Variants in ZBTB20 observed in about 807,000 individuals in gnomAD.
ZBTB20 encodes the protein zinc finger and BTB domain containing 20, also known as zinc finger and BTB domain-containing protein 20.
ZBTB20 carries 9 observed loss-of-function variants against 56.9 expected under a neutral mutation model. The ratio of observed to expected loss-of-function variants is 0.16; its 90% CI spans 0.10 to 0.28. The LOEUF (loss-of-function observed/expected upper bound fraction) is 0.28. Among genes scored for constraint, ZBTB20 ranks in the 10% least tolerant of loss-of-function variants. The probability of loss-of-function intolerance (pLI) is 1.00; values close to 1 mark genes in which losing one functional copy is unlikely to be tolerated. For synonymous variants in ZBTB20, 417 were observed against 420.7 expected (o/e 0.99, Z 0.11); for missense variants, 655 against 1,003.0 (o/e 0.65, Z 4.69).
At chr3:114,836,212 T>G (rs1024521416) in intron 4 of ZBTB20, among the ~76,000 whole-genome samples, 4 of 152,214 alleles carry the variant, frequency 2.6e-5, no homozygotes, top group African/African-American at 9.6e-5. Flanking sequence ...ATCAAAATAC[T>G]ACACTGACTT....
intron 4 of ZBTB20, among the ~76,000 whole-genome samples, chr3:114,894,766 C>A (rs372549881): frequency 1.3e-5 from 2 of 152,134 alleles, no homozygotes; most frequent in African/African-American, 4.8e-5. Context: ...GGCTAATAAA[C>A]CTTGATTTCA....
intron 5 of ZBTB20, among the ~76,000 whole-genome samples, chr3:114,703,354 G>A (rs1293748832): frequency 6.6e-6 from 1 of 152,040 alleles, no homozygotes; most frequent in Non-Finnish European, 1.5e-5. Context: ...CAGTTTTGTG[G>A]TACTGGGAAA....
chr3:114,845,205 C>T (rs1055736211), intron 4 of ZBTB20, among the ~76,000 whole-genome samples: 4 of 151,526 alleles, frequency 2.6e-5, no homozygotes, highest in African/African-American at 9.7e-5. Flanking sequence ...GTACTGAATA[C>T]ACATTAGGTA....
chr3:114,383,955 G>A (rs763604971), intron 8 of ZBTB20, among the ~76,000 whole-genome samples: 64 of 152,132 alleles, frequency 4.2e-4, no homozygotes, highest in Non-Finnish European at 7.1e-4. Context: ...CTATTCCCTG[G>A]AGCCTTTAGA....
chr3:114,430,301 T>G (rs188003449), intron 7 of ZBTB20, among the ~76,000 whole-genome samples: 1 of 152,340 alleles, frequency 6.6e-6, no homozygotes, highest in East Asian at 1.9e-4. Flanking sequence ...CAGAGATTGT[T>G]TCCATTTCTT....
chr3:114,324,333 G>A lies in ZBTB20; in HGVS notation c.*14672C>T, dbSNP rs567329280. ...AAAGCTTTCCTGTTTCTTGAAACAC[G>A]GTCCTAAATTTAACAGTGCTGGGCT... On this transcript the variant is annotated 3_prime_UTR_variant, in exon 12 of 12. Transcript: ENST00000675478. 21 of 152,216 alleles carry A rather than the reference G, an allele frequency of 1.4e-4. No homozygotes were observed. The highest frequency in any genetic ancestry group is 4.6e-4 in the African/African-American group (19 of 41,542). The allele number at this position is 152,216 out of a possible 1,614,324, so 9.4% of individuals were successfully genotyped here.
At chr3:114,900,957 A>C (rs1215681342) in intron 3 of ZBTB20, among the ~76,000 whole-genome samples, 1 of 152,230 alleles carries the variant, frequency 6.6e-6, no homozygotes, top group Non-Finnish European at 1.5e-5. Flanking sequence ...CACTTTGACA[A>C]AACTGCCAGC....
At chr3:115,113,906 T>A (rs984776773) in intron 1 of ZBTB20, among the ~76,000 whole-genome samples, 7 of 152,192 alleles carry the variant, frequency 4.6e-5, no homozygotes, top group African/African-American at 1.7e-4. Context: ...TTGTAATCAA[T>A]TCCCTGGATT....
At chr3:114,671,595 A>ATT (rs570351481) in intron 6 of ZBTB20, among the ~76,000 whole-genome samples, 45 of 145,798 alleles carry the variant, frequency 3.1e-4, no homozygotes, top group South Asian at 3.0e-3. Context: ...AATAAATGCC[A>ATT]TTTTTTTTTT....
intron 7 of ZBTB20, among the ~76,000 whole-genome samples, chr3:114,399,459 G>A (rs939009725): frequency 2.0e-5 from 3 of 152,152 alleles, no homozygotes; most frequent in Non-Finnish European, 4.4e-5. Flanking sequence ...TCCGTCTTCA[G>A]TTAAAATTCG....
Position 114,946,518 on chromosome 3 carries a change from A to G in ZBTB20, c.-456+27848T>C, listed in dbSNP as rs576803223. The stretch of plus-strand genomic sequence containing the variant: ...AAAAGGACAAATAACCTTAACAGGA[A>G]TGAAAAAATGGAGTATTGTTACAGA... On this transcript the variant is annotated intron_variant, in intron 3 of 11. Transcript: ENST00000675478. 1.2e-4 allele frequency among the ~76,000 whole-genome samples: 17 copies of G among 145,630 alleles called. No individual in the cohort carries two copies. The South Asian group carries it at 3.0e-3, about 26-fold the overall frequency.
intron 5 of ZBTB20, among the ~76,000 whole-genome samples, chr3:114,794,371 T>C (rs2071194904): frequency 6.6e-6 from 1 of 152,140 alleles, no homozygotes; most frequent in African/African-American, 2.4e-5. Context: ...AGGGTTATGA[T>C]AGGGGCTTTG....
intron 3 of ZBTB20, among the ~76,000 whole-genome samples, chr3:114,912,772 T>C (rs1003005237): frequency 2.6e-5 from 4 of 151,920 alleles, no homozygotes; most frequent in Admixed American, 6.6e-5. Flanking sequence ...CAGTTACCCT[T>C]CCCAACCTCT....
At chr3:114,856,291 A>G (rs1421349834) in intron 4 of ZBTB20, among the ~76,000 whole-genome samples, 3 of 152,168 alleles carry the variant, frequency 2.0e-5, no homozygotes, top group African/African-American at 7.2e-5. Context: ...TAGTATTATT[A>G]TGATTATGCC....
rs374288251 is a variant in ZBTB20 at position 114,350,587 on chromosome 3, C to A, written c.1491G>T (p.Thr497=). 4 of 1,614,002 alleles carry A rather than the reference C, an allele frequency of 2.5e-6. No individual in the cohort carries two copies. Among genetic ancestry groups the A allele is most frequent in the African/African-American group, 2.7e-5 (2 of 74,906 alleles). ...LRMPLTLTSN[T]QVIGTAGNTY... is the part of the protein sequence containing the mutation. ...TGTTGCCAGCTGTGCCAATGACCTG[C>A]GTGTTGCTGGTCAAGGTCAGAGGCA... Residue 497 remains threonine, a synonymous_variant, in exon 11 of 12, where the codon ACG becomes ACT. Transcript: ENST00000675478.
At chr3:114,861,448 G>A (rs1454508190) in intron 4 of ZBTB20, among the ~76,000 whole-genome samples, 3 of 152,010 alleles carry the variant, frequency 2.0e-5, no homozygotes, top group African/African-American at 7.3e-5. Context: ...CCTTTAAGTT[G>A]TACAGTTTAA....
chr3:115,069,805 A>T (rs2082341102), intron 2 of ZBTB20, among the ~76,000 whole-genome samples: 1 of 151,950 alleles, frequency 6.6e-6, no homozygotes, highest in African/African-American at 2.4e-5. Flanking sequence ...TGTTACTTGT[A>T]CCAAGCATTG....
chr3:114,582,660 G>A (rs1171086046), intron 6 of ZBTB20, among the ~76,000 whole-genome samples: 2 of 152,162 alleles, frequency 1.3e-5, no homozygotes, highest in African/African-American at 2.4e-5. Flanking sequence ...GATTATAGGC[G>A]TGAGCCACCA....
At chr3:114,713,835 T>A (rs771057705) in intron 5 of ZBTB20, 2 of 152,350 alleles carry the variant, frequency 1.3e-5, no homozygotes, top group African/African-American at 2.4e-5. Context: ...GGAGAAAAAA[T>A]TCTATTTGAT....
Sources: allele counts gnomAD v4.1 joint callset (sites outside exome capture counted in the v4.1 genomes callset), GRCh38; gene constraint gnomAD v4.1.1; transcripts MANE v1.5; gene names NCBI Gene and HGNC (gene_info 2026-07-23, HGNC 2026-07-21).